The following CNTNAP2 variants were observed in gnomAD, a reference collection of about 807,000 sequenced individuals.
CNTNAP2 encodes the protein contactin associated protein 2.
A neutral mutation model predicts 155.2 loss-of-function variants in CNTNAP2; 98 were observed. That is an observed-to-expected ratio of 0.63 (90% CI 0.54 to 0.75). The LOEUF (loss-of-function observed/expected upper bound fraction) is 0.75. Ranked by LOEUF, CNTNAP2 falls within the 30% of genes least tolerant of loss-of-function variation. CNTNAP2 has a pLI of 0.00. For synonymous variants in CNTNAP2, 651 were observed against 631.2 expected (o/e 1.03, Z -0.47); for missense variants, 1,727 against 1,688.1 (o/e 1.02, Z -0.40).
chr7:148,197,978 A>G (rs369121537), intron 18 of CNTNAP2, among the ~76,000 whole-genome samples: 9 of 152,346 alleles, frequency 5.9e-5, no homozygotes, highest in African/African-American at 2.2e-4. Context: ...AAAAGGCTAA[A>G]AGGTTATTTC....
intron 3 of CNTNAP2, among the ~76,000 whole-genome samples, chr7:146,916,658 G>A (rs920905764): frequency 4.6e-5 from 7 of 152,004 alleles, no homozygotes; most frequent in Admixed American, 1.3e-4. Flanking sequence ...TTGTATTTCT[G>A]TGGTAGCAGT....
intron 15 of CNTNAP2, among the ~76,000 whole-genome samples, chr7:148,107,611 T>G (rs1804251019): frequency 6.6e-6 from 1 of 152,216 alleles, no homozygotes; most frequent in South Asian, 2.1e-4. Context: ...AAAAAAGGTT[T>G]AATTAAGGAA....
At chr7:147,782,064 A>G (rs1037303635) in intron 13 of CNTNAP2, among the ~76,000 whole-genome samples, 4 of 151,632 alleles carry the variant, frequency 2.6e-5, no homozygotes, top group Admixed American at 6.6e-5. Context: ...TGGGGTGACT[A>G]TGAAGTAGAA....
At chr7:147,353,156 T>G (rs2373028) in intron 9 of CNTNAP2, among the ~76,000 whole-genome samples, 2,727 of 149,842 alleles carry the variant, frequency 0.018, 84 homozygotes, top group African/African-American at 0.066. Flanking sequence ...CATATATATA[T>G]GTATATGTAT....
At position 147,097,810 on chromosome 7, in the gene CNTNAP2, C is replaced by T. The variant is rs767269946; in HGVS notation, c.551-10337C>T. 2.6e-5 allele frequency among the ~76,000 whole-genome samples: 4 copies of T among 152,244 alleles called. No individual in the cohort carries two copies. In the South Asian group the frequency reaches 6.2e-4, roughly 24 times the overall value. On this transcript the variant is annotated intron_variant, in intron 4 of 23. Coordinates refer to ENST00000361727, the MANE Select transcript of CNTNAP2 (RefSeq NM_014141.6). Reference sequence around the variant, plus strand: ...AATTAAGATGGTGGGAAAATGAATTCGAATATGTAGCGTGTTTCAAAGAGG... The same window carrying T: ...AATTAAGATGGTGGGAAAATGAATTTGAATATGTAGCGTGTTTCAAAGAGG...
chr7:147,304,462 T>A (rs1794992967), intron 9 of CNTNAP2, among the ~76,000 whole-genome samples: 1 of 152,218 alleles, frequency 6.6e-6, no homozygotes, highest in African/African-American at 2.4e-5. Flanking sequence ...GCAGTATGAT[T>A]TTTAAATTTC....
chr7:146,480,836 C>G (rs1584944740), intron 1 of CNTNAP2, among the ~76,000 whole-genome samples: 1 of 151,534 alleles, frequency 6.6e-6, no homozygotes, highest in South Asian at 2.1e-4. Flanking sequence ...GCGCCCATCA[C>G]CGCGCCCGGC....
intron 13 of CNTNAP2, among the ~76,000 whole-genome samples, chr7:147,886,475 C>CAAAAAAAAAAAAAAAA (rs532837902): frequency 2.5e-4 from 10 of 39,738 alleles, no homozygotes; most frequent in East Asian, 1.4e-3. Context: ...AACTCCATCT[C>CAAAAAAAAAAAAAAAA]AAAAAAAAAA....
At chr7:147,192,135 C>T (rs1029382159) in intron 8 of CNTNAP2, among the ~76,000 whole-genome samples, 1 of 152,150 alleles carries the variant, frequency 6.6e-6, no homozygotes, top group African/African-American at 2.4e-5. Context: ...GTCATTTGGT[C>T]TCAGCAAGAC....
intron 8 of CNTNAP2, among the ~76,000 whole-genome samples, chr7:147,268,515 G>A (rs1804668297): frequency 1.3e-5 from 2 of 152,114 alleles, no homozygotes. Flanking sequence ...CTGTTGCAGG[G>A]TGTGGGGTAG....
Position 147,134,088 on chromosome 7 carries a change from T to C in CNTNAP2, c.1348+1579T>C, listed in dbSNP as rs1210947257. On this transcript the variant is annotated intron_variant, in intron 8 of 23. Transcript: ENST00000361727. ...ATGATTATTGCCTAATGACTAAACA[T>C]AAAAATATTAGTATGAAGGCCTGTC... 2.0e-5 allele frequency among the ~76,000 whole-genome samples: 3 copies of C among 151,952 alleles called. No homozygotes were observed. In the East Asian group the frequency reaches 5.8e-4, roughly 29 times the overall value.
chr7:146,938,933 A>C lies in CNTNAP2; in HGVS notation c.402+99029A>C, dbSNP rs142970104. Among the ~76,000 whole-genome samples, 596 of 152,218 alleles carry C rather than the reference A, an allele frequency of 3.9e-3. 7 individuals are homozygous for C. Among genetic ancestry groups the C allele is most frequent in the African/African-American group, 0.013 (546 of 41,572 alleles). ...AGTGATTATTGAAAGTGAATTTACA[A>C]ATTCATCATCCTTCTATCTAAGTTT... On this transcript the variant is annotated intron_variant, in intron 3 of 23. Coordinates refer to ENST00000361727, the MANE Select transcript of CNTNAP2 (RefSeq NM_014141.6).
chr7:147,905,326 A>G (rs1303562155), intron 14 of CNTNAP2, among the ~76,000 whole-genome samples: 1 of 152,220 alleles, frequency 6.6e-6, no homozygotes, highest in African/African-American at 2.4e-5. Context: ...CAGGCAGCCC[A>G]GAGTGCCCTG....
intron 13 of CNTNAP2, among the ~76,000 whole-genome samples, chr7:147,763,991 C>T (rs1010014246): frequency 6.6e-5 from 10 of 152,198 alleles, no homozygotes; most frequent in African/African-American, 2.4e-4. Flanking sequence ...CTCAAATTTA[C>T]TCTTGGTTGC....
rs572043425 is a variant in CNTNAP2 at position 147,303,176 on chromosome 7, T to A, written c.1498+2886T>A. 9.8e-5 allele frequency among the ~76,000 whole-genome samples: 15 copies of A among 152,366 alleles called. No homozygotes were observed. In the East Asian group the frequency reaches 2.9e-3, roughly 29 times the overall value. ...GGCTGGGTGTGTCTCTAAAAGGTGT[T>A]GTGGCAAACCACAGACCCTTAATGC... On this transcript the variant is annotated intron_variant, in intron 9 of 23. Coordinates refer to ENST00000361727, the MANE Select transcript of CNTNAP2 (RefSeq NM_014141.6).
Position 148,415,628 on chromosome 7 carries a change from T to C in CNTNAP2, c.*12T>C. The stretch of plus-strand genomic sequence containing the variant: ...AATGGCTCATTTGAGGGGTGGCTAC[T>C]TGGCTATGGGATAGGGAGGAGGGAA... On this transcript the variant is annotated 3_prime_UTR_variant, in exon 24 of 24. Transcript: ENST00000361727. The C allele has an allele frequency of 1.9e-6, 3 of 1,614,006 alleles. No homozygotes were observed. Among genetic ancestry groups the C allele is most frequent in the Non-Finnish European group, 2.5e-6 (3 of 1,179,988 alleles).
chr7:147,128,437 C>G (rs1053098777), intron 6 of CNTNAP2, among the ~76,000 whole-genome samples: 3 of 152,010 alleles, frequency 2.0e-5, no homozygotes, highest in Admixed American at 6.6e-5. Flanking sequence ...TTATAAAATG[C>G]CTTTGGGGCA....
chr7:146,585,702 A>AGAAG lies in CNTNAP2; in HGVS notation c.98-188553_98-188550dup, dbSNP rs1169884876. Among the ~76,000 whole-genome samples the AGAAG allele has an allele frequency of 4.0e-5, 6 of 151,452 alleles. No homozygotes were observed. In the East Asian group the frequency reaches 7.8e-4, roughly 20 times the overall value. ...CATGGCTAAAACTCATCTGTACGAA[A>AGAAG]GAAGGAAGGAAGGAAGGAAAGAAAG... On this transcript the variant is annotated intron_variant, in intron 1 of 23. Coordinates refer to ENST00000361727, the MANE Select transcript of CNTNAP2 (RefSeq NM_014141.6).
chr7:146,822,013 A>G (rs1045408052), intron 2 of CNTNAP2, among the ~76,000 whole-genome samples: 4 of 152,114 alleles, frequency 2.6e-5, no homozygotes, highest in African/African-American at 9.7e-5. Context: ...CTATAAAGAC[A>G]CATGCACACG....
Sources: gnomAD v4.1 joint callset for allele counts (sites outside exome capture counted in the v4.1 genomes callset) on GRCh38, gnomAD v4.1.1 for gene constraint, MANE v1.5 for transcripts, NCBI Gene and HGNC (gene_info 2026-07-23, HGNC 2026-07-21) for gene names.